EYA2: variants seen among roughly 807,000 people sequenced by gnomAD.
EYA2 encodes protein phosphatase EYA2.
A neutral mutation model predicts 69.2 loss-of-function variants in EYA2; 31 were observed. The ratio of observed to expected loss-of-function variants is 0.45; its 90% CI spans 0.34 to 0.60. EYA2 has a LOEUF of 0.60. Among genes scored for constraint, EYA2 ranks in the 20% least tolerant of loss-of-function variants. The pLI, the probability that EYA2 is intolerant of heterozygous loss-of-function variation, is 0.02. For missense variants in EYA2, 622 were observed against 701.2 expected, an observed-to-expected ratio of 0.89 and a Z score of 1.28; for synonymous variants, 257 against 279.4, an observed-to-expected ratio of 0.92 and a Z score of 0.80.
intron 4 of EYA2, among the ~76,000 whole-genome samples, chr20:47,014,656 G>C (rs985195264): frequency 5.3e-5 from 8 of 151,908 alleles, no homozygotes; most frequent in Non-Finnish European, 1.2e-4. Context: ...GTGTGTGTGT[G>C]TGTGTGTGTG....
chr20:47,005,051 C>A lies in EYA2; in HGVS notation c.265C>A (p.Pro89Thr), dbSNP rs1375732951. ...GGCTACCCCCTATACAGCTTACCCACCTCCAGCACAAGCCTATGGAATCCC... is the reference window on the plus strand; with the variant it reads ...GGCTACCCCCTATACAGCTTACCCAACTCCAGCACAAGCCTATGGAATCCC... ...QQATPYTAYP[P>T]PAQAYGIPSY... Residue 89 changes from proline (P) to threonine (T), a missense_variant, in exon 4 of 16, where the codon CCT becomes ACT. By Grantham distance (38) the Pro-to-Thr change is conservative. Transcript: ENST00000327619. The A allele has an allele frequency of 6.2e-7, 1 of 1,613,874 alleles. No individual in the cohort carries two copies. Among genetic ancestry groups the A allele is most frequent in the South Asian group, 1.1e-5 (1 of 91,074 alleles).
At chr20:47,001,245 T>C (rs749084303) in intron 2 of EYA2, among the ~76,000 whole-genome samples, 183 bp from the exon 3 acceptor site, 2 of 152,022 alleles carry the variant, frequency 1.3e-5, no homozygotes, top group Non-Finnish European at 2.9e-5. Context: ...CAGAAAGGGC[T>C]CCGAACTCCT....
At chr20:46,923,752 T>C (rs1047016092) in intron 1 of EYA2, among the ~76,000 whole-genome samples, 3 of 152,044 alleles carry the variant, frequency 2.0e-5, no homozygotes, top group Non-Finnish European at 4.4e-5. Context: ...GGTGAAACAT[T>C]AACAGCAGAT....
intron 15 of EYA2, among the ~76,000 whole-genome samples, chr20:47,183,663 C>T (rs2034581319): frequency 6.6e-6 from 1 of 152,202 alleles, no homozygotes; most frequent in African/African-American, 2.4e-5. Flanking sequence ...GACGCTCCGG[C>T]AGGGCAGGCT....
At chr20:47,006,419 C>A (rs1031682025) in intron 4 of EYA2, among the ~76,000 whole-genome samples, 1 of 152,220 alleles carries the variant, frequency 6.6e-6, no homozygotes, top group Non-Finnish European at 1.5e-5. Context: ...GTGGAAAGGA[C>A]GTAGCGTTGG....
At chr20:47,116,344 AT>A (rs1339755327) in intron 9 of EYA2, among the ~76,000 whole-genome samples, 1 of 151,740 alleles carries the variant, frequency 6.6e-6, no homozygotes, top group East Asian at 1.9e-4. Context: ...CGCCTAGCTA[AT>A]TTTTGTATTT....
intron 8 of EYA2, among the ~76,000 whole-genome samples, chr20:47,091,275 C>T (rs545723545): frequency 1.2e-4 from 19 of 152,290 alleles, no homozygotes; most frequent in East Asian, 1.9e-4. Flanking sequence ...CAGCCTCTGA[C>T]GTCCAGTGTG....
intron 1 of EYA2, among the ~76,000 whole-genome samples, chr20:46,946,845 T>G (rs1418503486): frequency 1.4e-5 from 2 of 146,370 alleles, no homozygotes; most frequent in East Asian, 4.5e-4. Flanking sequence ...TCCATAGATC[T>G]AAAGAGTCAG....
intron 14 of EYA2, among the ~76,000 whole-genome samples, chr20:47,182,325 C>T (rs1044442745): frequency 2.0e-5 from 3 of 151,192 alleles, no homozygotes; most frequent in African/African-American, 4.8e-5. Flanking sequence ...ATGCACTATA[C>T]GCTTAAAAAT....
chr20:47,117,805 C>T (rs1055585007), intron 9 of EYA2: 1 of 656,898 alleles, frequency 1.5e-6, no homozygotes, highest in Non-Finnish European at 1.9e-6. Context: ...CCCCTTCTAC[C>T]TTGAAATGTA....
intron 5 of EYA2, among the ~76,000 whole-genome samples, chr20:47,070,437 G>T (rs2031273084): frequency 6.6e-6 from 1 of 152,214 alleles, no homozygotes; most frequent in Admixed American, 6.5e-5. Context: ...TGCATTACCA[G>T]TCAGAATGTA....
In EYA2 at chr20:47,154,859, G is replaced by GTGTGTT. The variant is rs35016620; in HGVS notation, c.978+11712_978+11713insGTGTTT. On this transcript the variant is annotated intron_variant, in intron 10 of 15. Transcript: ENST00000327619. Reference sequence around the variant, plus strand: ...TGTGTGTGTGTGTGTGTGTGTGTGTGTTTTGAGATGGAGCCTCGCTCTGTC... The same window carrying GTGTGTT: ...TGTGTGTGTGTGTGTGTGTGTGTGTGTGTGTTTTTTGAGATGGAGCCTCGCTCTGTC... Among the ~76,000 whole-genome samples the GTGTGTT allele has an allele frequency of 3.5e-3, 512 of 144,392 alleles. 9 individuals are homozygous for GTGTGTT. Among genetic ancestry groups the GTGTGTT allele is most frequent in the Non-Finnish European group, 2.6e-3 (168 of 65,450 alleles). The allele number at this position is 144,392 out of a possible 152,430, so 94.7% of individuals were successfully genotyped here.
At chr20:47,053,559 C>A (rs1203299616) in intron 5 of EYA2, among the ~76,000 whole-genome samples, 1 of 150,154 alleles carries the variant, frequency 6.7e-6, no homozygotes. Flanking sequence ...CTCGGCTACT[C>A]AGGAGGCTGA....
At chr20:47,145,934 G>A (rs529735331) in intron 10 of EYA2, among the ~76,000 whole-genome samples, 1 of 152,014 alleles carries the variant, frequency 6.6e-6, no homozygotes, top group South Asian at 2.1e-4. Context: ...AAAGAAATGT[G>A]GAGGCAGAGA....
chr20:47,151,872 A>G (rs550696670), intron 10 of EYA2, among the ~76,000 whole-genome samples: 12 of 152,164 alleles, frequency 7.9e-5, no homozygotes, highest in African/African-American at 2.9e-4. Context: ...ATAGTAGGTG[A>G]TCAGTAAATC....
chr20:47,181,616 C>T (rs560882973), intron 14 of EYA2, among the ~76,000 whole-genome samples: 1 of 152,314 alleles, frequency 6.6e-6, no homozygotes, highest in African/African-American at 2.4e-5. Context: ...TCAAGCAATC[C>T]TTCCACCTCA....
chr20:46,961,388 A>G (rs1429190275), intron 1 of EYA2, among the ~76,000 whole-genome samples: 1 of 152,228 alleles, frequency 6.6e-6, no homozygotes, highest in Admixed American at 6.5e-5. Context: ...GCTGGCAAGG[A>G]TGCTGAGAAA....
At chr20:46,923,073 A>T (rs1010393479) in intron 1 of EYA2, among the ~76,000 whole-genome samples, 2 of 152,182 alleles carry the variant, frequency 1.3e-5, no homozygotes, top group African/African-American at 4.8e-5. Context: ...GACTGAAGAA[A>T]TGTTCTAGAT....
At chr20:47,042,612 T>G (rs1234022020) in intron 5 of EYA2, among the ~76,000 whole-genome samples, 4 of 152,136 alleles carry the variant, frequency 2.6e-5, no homozygotes, top group African/African-American at 7.2e-5. Context: ...ATCCCTTATC[T>G]CAAAGAACCC....
Sources: gnomAD v4.1 joint callset for allele counts (sites outside exome capture counted in the v4.1 genomes callset) on GRCh38, gnomAD v4.1.1 for gene constraint, MANE v1.5 for transcripts, NCBI Gene and HGNC (gene_info 2026-07-23, HGNC 2026-07-21) for gene names.